SMURF1: variants seen among roughly 807,000 people sequenced by gnomAD.
SMURF1 encodes E3 ubiquitin-protein ligase SMURF1.
Under a neutral mutation model 98.0 loss-of-function variants are expected in SMURF1, and 44 were observed. That is an observed-to-expected ratio of 0.45 (90% confidence interval 0.35 to 0.58). The LOEUF (loss-of-function observed/expected upper bound fraction) is 0.58, where lower values mean the gene tolerates loss of function less well. SMURF1 is among the 20% of genes least tolerant of loss of function. The pLI is 0.00. For synonymous variants in SMURF1, 396 were observed against 374.9 expected, an observed-to-expected ratio of 1.06 and a Z score of -0.65; for missense variants, 687 against 938.4, an observed-to-expected ratio of 0.73 and a Z score of 3.50.
At chr7:99,113,732 A>G (rs1797375563) in intron 1 of SMURF1, among the ~76,000 whole-genome samples, 1 of 147,254 alleles carries the variant, frequency 6.8e-6, no homozygotes, top group Admixed American at 6.9e-5. Flanking sequence ...CCAGCTACTT[A>G]GGAGGCTGAG....
intron 1 of SMURF1, among the ~76,000 whole-genome samples, chr7:99,085,002 CT>C (rs1481118202): frequency 6.6e-6 from 1 of 152,102 alleles, no homozygotes; most frequent in Non-Finnish European, 1.5e-5. Context: ...TCTCTTCCTC[CT>C]GCTCTGGCCA....
intron 1 of SMURF1, among the ~76,000 whole-genome samples, chr7:99,069,297 C>T (rs1263964586): frequency 6.6e-6 from 1 of 152,192 alleles, no homozygotes; most frequent in Non-Finnish European, 1.5e-5. Context: ...ACTTCCCATA[C>T]AGGTGGCTTT....
At chr7:99,032,681 AAATC>A (rs1236440443) in intron 17 of SMURF1, among the ~76,000 whole-genome samples, 22 of 152,228 alleles carry the variant, frequency 1.4e-4, no homozygotes, top group Middle Eastern at 3.2e-3. Flanking sequence ...ACAAAAAACT[AAATC>A]AAGAGAAAAT....
Position 99,038,462 on chromosome 7 carries a change from C to T in SMURF1, c.1614G>A (p.Arg538=). The T allele has an allele frequency of 6.2e-7, 1 of 1,614,258 alleles. No homozygotes were observed. The highest frequency in any genetic ancestry group is 1.7e-5 in the Admixed American group (1 of 60,036). The stretch of plus-strand genomic sequence containing the variant: ...TGGGTTTCAGTTCATGCTGCAGGAT[C>T]CGCCCGAAGGCGTTGTGTTCCACGC... The part of the protein sequence containing the change: ...TFCVEHNAFG[R]ILQHELKPNG... Residue 538 remains arginine, a synonymous_variant, in exon 14 of 18, where the codon CGG becomes CGA. Transcript: ENST00000361368.
Position 99,037,175 on chromosome 7 carries a change from G to T in SMURF1, c.1701C>A (p.Asn567Lys). The T allele has an allele frequency of 6.2e-7, 1 of 1,614,052 alleles. No homozygotes were observed. The highest frequency in any genetic ancestry group is 2.2e-5 in the East Asian group (1 of 44,862). ...CTTCGATTCCTCTCATAAACCTCCA[G>T]TTTACATACAACCTGGAAGAAAAAC... ...NKKEYVRLYV[N>K]WRFMRGIEAQ... Residue 567 changes from asparagine to lysine, a missense_variant, in exon 15 of 18, where the codon AAC becomes AAA. Asn to Lys is a moderately conservative substitution (Grantham distance 94, BLOSUM62 0). Transcript: ENST00000361368.
intron 11 of SMURF1, among the ~76,000 whole-genome samples, chr7:99,045,029 C>T (rs1795526271): frequency 6.6e-6 from 1 of 151,892 alleles, no homozygotes; most frequent in African/African-American, 2.4e-5. Context: ...GTTCCAGCTA[C>T]TTGGGAGGCT....
chr7:99,088,268 A>AG, intron 1 of SMURF1, among the ~76,000 whole-genome samples: 1 of 151,930 alleles, frequency 6.6e-6, no homozygotes. Flanking sequence ...AAAAAAAAAA[A>AG]AAAATTAAAA....
At chr7:99,058,137 T>A (rs375696206) in intron 3 of SMURF1, among the ~76,000 whole-genome samples, 18 of 152,234 alleles carry the variant, frequency 1.2e-4, no homozygotes, top group African/African-American at 2.9e-4. Context: ...TTATTTATTT[T>A]TTTATTTTTT....
intron 1 of SMURF1, among the ~76,000 whole-genome samples, chr7:99,063,232 A>AAAGAGAC (rs1796080380): frequency 9.4e-6 from 1 of 105,932 alleles, no homozygotes; most frequent in African/African-American, 4.1e-5. Context: ...ATATATATAT[A>AAAGAGAC]AGATTTATTT....
At chr7:99,048,252 G>C (rs1325446869) in intron 9 of SMURF1, 1 of 229,458 alleles carries the variant, frequency 4.4e-6, no homozygotes, top group African/African-American at 2.3e-5. Context: ...AGCCAGGTGT[G>C]GTGGTGGGCA....
chr7:99,042,538 G>A (rs962319621), intron 11 of SMURF1, among the ~76,000 whole-genome samples: 17 of 152,198 alleles, frequency 1.1e-4, no homozygotes, highest in African/African-American at 3.9e-4. Flanking sequence ...GCCTCCCAAA[G>A]TGCCAGGATT....
At chr7:99,104,316 A>G (rs1354633282) in intron 1 of SMURF1, among the ~76,000 whole-genome samples, 1 of 152,202 alleles carries the variant, frequency 6.6e-6, no homozygotes, top group Admixed American at 6.5e-5. Flanking sequence ...AAATAGTAAT[A>G]AAAGTATCCA....
intron 1 of SMURF1, among the ~76,000 whole-genome samples, chr7:99,096,164 G>T (rs886085294): frequency 6.6e-6 from 1 of 152,146 alleles, no homozygotes; most frequent in Admixed American, 6.5e-5. Context: ...TGACCAGGAC[G>T]CCTAAATCAT....
chr7:99,050,583 C>T (rs1795722045), intron 8 of SMURF1: 2 of 188,030 alleles, frequency 1.1e-5, no homozygotes, highest in South Asian at 1.7e-4. Context: ...ACACAATCTA[C>T]AGTCAGAAGG....
intron 6 of SMURF1, 120 bp from the exon 7 acceptor site, chr7:99,052,566 C>T (rs1297201253): frequency 1.2e-5 from 13 of 1,117,786 alleles, no homozygotes; most frequent in South Asian, 2.9e-5. Flanking sequence ...CCTTTAACAA[C>T]GTCCAGTGTT....
intron 1 of SMURF1, among the ~76,000 whole-genome samples, chr7:99,100,579 A>T (rs1012929815): frequency 2.0e-5 from 3 of 152,202 alleles, no homozygotes; most frequent in Admixed American, 6.5e-5. Flanking sequence ...ATAAAAAAAT[A>T]AAAATAAAAA....
Position 99,126,716 on chromosome 7 carries a change from G to A in SMURF1, c.55+17010C>T, listed in dbSNP as rs530769017. On this transcript the variant is annotated intron_variant, in intron 1 of 17. Coordinates refer to ENST00000361368, the MANE Select transcript of SMURF1 (RefSeq NM_181349.3). The stretch of plus-strand genomic sequence containing the variant: ...AGAAATTATGTATACAGATATTTGC[G>A]TGGCAACACATTGGGATAAGATGCA... Among the ~76,000 whole-genome samples, 22 of 152,276 alleles carry A rather than the reference G, an allele frequency of 1.4e-4. 1 individual carries two copies. The South Asian group carries it at 1.7e-3, about 11-fold the overall frequency.
Position 99,028,955 on chromosome 7 carries a change from C to G in SMURF1, c.*1629G>C, listed in dbSNP as rs761180495. Reference sequence around the variant, plus strand: ...GTGAATGAGACACAGGATGTGCCCACCTGTGGGGGCAAGGCAGAACTTTTC... The same window carrying G: ...GTGAATGAGACACAGGATGTGCCCAGCTGTGGGGGCAAGGCAGAACTTTTC... On this transcript the variant is annotated 3_prime_UTR_variant, in exon 18 of 18. Transcript: ENST00000361368. 1.3e-5 allele frequency: 2 copies of G among 152,218 alleles called. No individual in the cohort carries two copies. The highest frequency in any genetic ancestry group is 2.9e-5 in the Non-Finnish European group (2 of 68,068). 9.4% of individuals were successfully genotyped at this position (152,218 alleles called of 1,614,324 possible). A position where few individuals can be genotyped will look rare whatever the true frequency, so the allele number is the denominator to read the frequency against.
Position 99,038,407 on chromosome 7 carries a change from TCTC to T in SMURF1, c.1666_1668del (p.Glu556del). 6.2e-7 allele frequency: 1 copy of T among 1,614,198 alleles called. No homozygotes were observed. Among genetic ancestry groups the T allele is most frequent in the Non-Finnish European group, 8.5e-7 (1 of 1,180,032 alleles). On this transcript the variant is annotated inframe_deletion, in exon 14 of 18. Coordinates refer to ENST00000361368, the MANE Select transcript of SMURF1 (RefSeq NM_181349.3). ...CATTACCGGACGTATTCTTTCTTAT[TCTC>T]CTCTGTGACTGGCACATTTCTGCCA...
Sources: allele counts gnomAD v4.1 joint callset (sites outside exome capture counted in the v4.1 genomes callset), GRCh38; gene constraint gnomAD v4.1.1; transcripts MANE v1.5; gene names NCBI Gene and HGNC (gene_info 2026-07-23, HGNC 2026-07-21).